Variants in HDAC5 observed in about 807,000 individuals in gnomAD.
HDAC5 encodes antigen NY-CO-9.
A neutral mutation model predicts 133.3 loss-of-function variants in HDAC5; 25 were observed. That is an observed-to-expected ratio of 0.19 (90% confidence interval 0.14 to 0.26). The LOEUF is 0.26. Ranked by LOEUF, HDAC5 falls within the 10% of genes least tolerant of loss-of-function variation. The probability of loss-of-function intolerance (pLI) is 1.00; values close to 1 mark genes in which losing one functional copy is unlikely to be tolerated. For missense variants in HDAC5, 1,041 were observed against 1,460.5 expected, an observed-to-expected ratio of 0.71 and a Z score of 4.68; for synonymous variants, 589 against 610.8, an observed-to-expected ratio of 0.96 and a Z score of 0.53.
rs141368443 is a variant in HDAC5 at position 44,086,718 on chromosome 17, G to A, written c.1904C>T (p.Pro635Leu). 152 of 1,298,058 alleles carry A rather than the reference G, an allele frequency of 1.2e-4. 1 individual carries two copies. The African/African-American group carries it at 2.1e-3, about 18-fold the overall frequency. The allele number at this position is 1,298,058 out of a possible 1,614,324, so 80.4% of individuals were successfully genotyped here. Residue 635 changes from proline (P) to leucine (L), a missense_variant, in exon 14 of 27, where the codon CCG (proline) becomes CTG (leucine). Coordinates refer to ENST00000682912, the MANE Select transcript of HDAC5 (RefSeq NM_005474.5). ...CTGGTACACCTGCAAAGGCTGCAGC[G>A]GCTGGGCATCTGAGAACAGCTGGAG... ...GYKKLFSDAQ[P>L]LQPLQVYQAP...
chr17:44,079,247 G>A lies in HDAC5; in HGVS notation c.2975C>T (p.Thr992Ile). The A allele has an allele frequency of 6.2e-7, 1 of 1,613,754 alleles. No individual in the cohort carries two copies. The highest frequency in any genetic ancestry group is 8.5e-7 in the Non-Finnish European group (1 of 1,179,794). The change falls in exon 24 of 27, where the codon ACC becomes ATC. Residue 992 changes from threonine (T) to isoleucine (I), a missense_variant. By Grantham distance (89) the Thr-to-Ile change is moderately conservative. This residue lies in a region of HDAC5 where 174 missense variants were observed against 352.7 expected (regional missense o/e 0.49). Transcript: ENST00000682912. ...CFGHLTRQLM[T>I]LAGGRVVLAL... is the part of the protein sequence containing the mutation. ...CAGCACCACCCGGCCCCCTGCCAGG[G>A]TCATCAGCTGCCTGGTCAAGTGGCC... is the stretch of plus-strand genomic sequence containing the variant.
In HDAC5 at chr17:44,080,511, T is replaced by G; in HGVS notation, c.2728-13A>C. ...GTCCTCCACCAACCTGGCACCAGAG[T>G]TGGGGAGAGGGCTATTCTCACCACC... is the stretch of plus-strand genomic sequence containing the variant. On this transcript the variant is annotated splice_polypyrimidine_tract_variant and intron_variant, in intron 21 of 26. Transcript: ENST00000682912. The G allele has an allele frequency of 6.2e-7, 1 of 1,613,474 alleles. No individual in the cohort carries two copies. Among genetic ancestry groups the G allele is most frequent in the Non-Finnish European group, 8.5e-7 (1 of 1,179,598 alleles).
chr17:44,090,523 C>T (rs2143234190), intron 11 of HDAC5, among the ~76,000 whole-genome samples: 1 of 150,988 alleles, frequency 6.6e-6, no homozygotes, highest in East Asian at 2.0e-4. Flanking sequence ...TACAGGTGCC[C>T]GCCACCACGC....
At chr17:44,118,088 T>A (rs1051365922) in intron 1 of HDAC5, among the ~76,000 whole-genome samples, 10 of 152,134 alleles carry the variant, frequency 6.6e-5, no homozygotes, top group Admixed American at 5.2e-4. Flanking sequence ...GCAGGGCTGA[T>A]CTAGAGTCCC....
At chr17:44,088,146 T>G (rs1410062938) in intron 12 of HDAC5, among the ~76,000 whole-genome samples, 1 of 152,138 alleles carries the variant, frequency 6.6e-6, no homozygotes, top group Admixed American at 6.6e-5. Context: ...GTAGCTGGGA[T>G]TATTATAGGT....
At chr17:44,079,875 C>T (rs1284636423) in intron 23 of HDAC5, among the ~76,000 whole-genome samples, 2 of 152,116 alleles carry the variant, frequency 1.3e-5, no homozygotes, top group East Asian at 1.9e-4. Flanking sequence ...ATCTCTACAG[C>T]TCCGGCAGGA....
intron 1 of HDAC5, among the ~76,000 whole-genome samples, chr17:44,118,924 T>C (rs1451264697): frequency 6.6e-6 from 1 of 152,144 alleles, no homozygotes; most frequent in Non-Finnish European, 1.5e-5. Context: ...GGGGTCCATT[T>C]GGAGCCCAGA....
At chr17:44,092,879 A>G (rs1206417401) in intron 6 of HDAC5, 73 bp from the exon 7 acceptor site, 7 of 671,392 alleles carry the variant, frequency 1.0e-5, no homozygotes, top group Non-Finnish European at 1.8e-5. Context: ...GCCACCTGGC[A>G]ATCTACATTT....
intron 23 of HDAC5, among the ~76,000 whole-genome samples, chr17:44,079,700 A>T (rs1262728681): frequency 1.3e-5 from 2 of 152,044 alleles, no homozygotes; most frequent in African/African-American, 4.8e-5. Flanking sequence ...GAGGTGGGAC[A>T]AATAGCACAA....
intron 3 of HDAC5, among the ~76,000 whole-genome samples, chr17:44,099,059 T>C (rs1413981384): frequency 6.6e-6 from 1 of 152,096 alleles, no homozygotes; most frequent in Non-Finnish European, 1.5e-5. Context: ...GAGGTTGCAG[T>C]GAGCCAAGAT....
intron 3 of HDAC5, among the ~76,000 whole-genome samples, chr17:44,102,687 G>A (rs1488957307): frequency 1.6e-5 from 2 of 127,102 alleles, no homozygotes; most frequent in Admixed American, 9.0e-5. Flanking sequence ...TTTTTTTGGA[G>A]ACAGTCTCTC....
At chr17:44,102,667 CTTTTTTT>C (rs33983305) in intron 3 of HDAC5, among the ~76,000 whole-genome samples, 1 of 130,104 alleles carries the variant, frequency 7.7e-6, no homozygotes, top group East Asian at 2.3e-4. Flanking sequence ...CAGGTTCTCT[CTTTTTTT>C]TTTTTTTTTG....
At chr17:44,082,540 C>A in intron 20 of HDAC5, 45 bp downstream of exon 20, 1 of 1,477,682 alleles carries the variant, frequency 6.8e-7, no homozygotes, top group Non-Finnish European at 9.5e-7. Context: ...GACCCTGGTC[C>A]TAGCTCTACC....
chr17:44,097,027 A>G (rs2051316245), intron 3 of HDAC5, among the ~76,000 whole-genome samples: 1 of 152,174 alleles, frequency 6.6e-6, no homozygotes, highest in African/African-American at 2.4e-5. Context: ...CAGCCGAACA[A>G]TTTTTAAAGA....
At chr17:44,104,321 AT>A (rs2051804561) in intron 3 of HDAC5, among the ~76,000 whole-genome samples, 1 of 152,218 alleles carries the variant, frequency 6.6e-6, no homozygotes, top group Non-Finnish European at 1.5e-5. Context: ...AATTAAAAAA[AT>A]AAATAAAAAA....
intron 3 of HDAC5, among the ~76,000 whole-genome samples, chr17:44,104,827 C>G (rs1234773386): frequency 3.3e-5 from 5 of 152,268 alleles, no homozygotes; most frequent in Middle Eastern, 3.4e-3. Flanking sequence ...CACCTCTCTC[C>G]CCAGTTCTAT....
rs1418875443 is a variant in HDAC5, at chr17:44,079,259, C to G, written c.2963G>C (p.Arg988Thr). 6.2e-7 allele frequency: 1 copy of G among 1,613,736 alleles called. No homozygotes were observed. The highest frequency in any genetic ancestry group is 1.3e-5 in the African/African-American group (1 of 75,042). Residue 988 changes from arginine (R) to threonine (T), a missense_variant, in exon 24 of 27, where the codon AGG (arginine) becomes ACG (threonine). Physicochemically the swap from Arg to Thr is moderately conservative, Grantham distance 71. Transcript: ENST00000682912. Reference sequence around the variant, plus strand: ...GCCCCCTGCCAGGGTCATCAGCTGCCTGGTCAAGTGGCCAAAACCTTTGAG... The same window carrying G: ...GCCCCCTGCCAGGGTCATCAGCTGCGTGGTCAAGTGGCCAAAACCTTTGAG... ...VTARCFGHLT[R>T]QLMTLAGGRV...
intron 15 of HDAC5, 134 bp from the exon 16 acceptor site, chr17:44,084,809 C>T (rs2050570812): frequency 1.5e-6 from 2 of 1,329,722 alleles, no homozygotes; most frequent in Admixed American, 2.1e-5. Context: ...TAGATCCTGG[C>T]TCTGTCATGA....
At chr17:44,093,973 C>T in intron 3 of HDAC5, 139 bp from the exon 4 acceptor site, 1 of 1,111,938 alleles carries the variant, frequency 9.0e-7, no homozygotes. Flanking sequence ...TCCCTCTGCT[C>T]CATGGATGCA....
Sources: gnomAD v4.1 joint callset for allele counts (sites outside exome capture counted in the v4.1 genomes callset) on GRCh38, gnomAD v4.1.1 for gene constraint, gnomAD v4.1.1 regional missense constraint, MANE v1.5 for transcripts, NCBI Gene and HGNC (gene_info 2026-07-23, HGNC 2026-07-21) for gene names.